Variants in ROR1 observed in about 807,000 individuals in gnomAD.
The protein encoded by ROR1 is ROR family WNT receptor 1, also known as inactive tyrosine-protein kinase transmembrane receptor ROR1.
A neutral mutation model predicts 78.8 loss-of-function variants in ROR1; 19 were observed. The observed-to-expected ratio is 0.24, with a 90% confidence interval of 0.17 to 0.35. The LOEUF (loss-of-function observed/expected upper bound fraction) is 0.35. Ranked by LOEUF, ROR1 falls within the 10% of genes least tolerant of loss-of-function variation. ROR1 has a pLI of 1.00. For missense variants in ROR1, 917 were observed against 1,177.8 expected, an observed-to-expected ratio of 0.78 and a Z score of 3.24; for synonymous variants, 386 against 433.6, an observed-to-expected ratio of 0.89 and a Z score of 1.36.
intron 8 of ROR1, among the ~76,000 whole-genome samples, chr1:64,170,690 TTC>T (rs1464447332): frequency 6.6e-6 from 1 of 152,202 alleles, no homozygotes; most frequent in Non-Finnish European, 1.5e-5. Context: ...CAAGCTTTTG[TTC>T]TGTTTTCCTT....
At chr1:63,843,837 C>T (rs1473366564) in intron 1 of ROR1, among the ~76,000 whole-genome samples, 1 of 152,184 alleles carries the variant, frequency 6.6e-6, no homozygotes, top group East Asian at 1.9e-4. Flanking sequence ...AACTTTTTAG[C>T]TGATTTCCCT....
intron 4 of ROR1, among the ~76,000 whole-genome samples, chr1:64,116,410 T>C (rs1648317738): frequency 6.6e-6 from 1 of 152,212 alleles, no homozygotes; most frequent in Non-Finnish European, 1.5e-5. Flanking sequence ...CTTGGACTTT[T>C]AAATTGCCAG....
chr1:64,053,065 A>G (rs1436452671), intron 4 of ROR1, among the ~76,000 whole-genome samples: 1 of 152,216 alleles, frequency 6.6e-6, no homozygotes, highest in Non-Finnish European at 1.5e-5. Flanking sequence ...GGGGAATATC[A>G]TAACATTGAG....
intron 1 of ROR1, among the ~76,000 whole-genome samples, chr1:64,009,067 T>A (rs1646454097): frequency 6.6e-6 from 1 of 152,164 alleles, no homozygotes; most frequent in Admixed American, 6.5e-5. Flanking sequence ...AAGCCAGTGT[T>A]TTGAAGTAAA....
chr1:64,175,017 T>A (rs12059004), intron 8 of ROR1, among the ~76,000 whole-genome samples: 10,585 of 149,426 alleles, frequency 0.071, 1,023 homozygotes, highest in African/African-American at 0.22. Flanking sequence ...TTTTTTTTTT[T>A]AAAAAAATAG....
At chr1:63,891,291 AT>A (rs1645393649) in intron 1 of ROR1, among the ~76,000 whole-genome samples, 1 of 152,190 alleles carries the variant, frequency 6.6e-6, no homozygotes, top group African/African-American at 2.4e-5. Flanking sequence ...GTTGTGGTAA[AT>A]TGGAAATACC....
chr1:64,022,565 C>A (rs1054792502), intron 2 of ROR1, among the ~76,000 whole-genome samples: 1 of 152,152 alleles, frequency 6.6e-6, no homozygotes, highest in Non-Finnish European at 1.5e-5. Flanking sequence ...GCCCCATTTC[C>A]CCGTAAGAGC....
intron 1 of ROR1, among the ~76,000 whole-genome samples, chr1:64,007,536 T>G (rs1424057933): frequency 6.6e-6 from 1 of 152,198 alleles, no homozygotes; most frequent in Non-Finnish European, 1.5e-5. Flanking sequence ...TAAAGAGTTT[T>G]AACAGCCCGT....
chr1:64,065,346 A>G (rs1488949895), intron 4 of ROR1, among the ~76,000 whole-genome samples: 1 of 152,232 alleles, frequency 6.6e-6, no homozygotes, highest in Non-Finnish European at 1.5e-5. Flanking sequence ...GGAGATGATC[A>G]GTTGATGAAC....
intron 1 of ROR1, among the ~76,000 whole-genome samples, chr1:63,971,514 A>G (rs1306702520): frequency 3.9e-5 from 6 of 152,212 alleles, no homozygotes; most frequent in Admixed American, 2.0e-4. Flanking sequence ...AGCTGTAGAT[A>G]TCTGGTAGAT....
chr1:63,961,721 G>C (rs1479195234), intron 1 of ROR1, among the ~76,000 whole-genome samples: 1 of 152,138 alleles, frequency 6.6e-6, no homozygotes, highest in Non-Finnish European at 1.5e-5. Flanking sequence ...TGAAATTACA[G>C]TTAATGGATA....
rs1011852872 is a variant in ROR1 at position 64,180,708 on chromosome 1, C to T, written c.*1853C>T. The T allele has an allele frequency of 1.3e-5, 2 of 152,100 alleles. No individual in the cohort carries two copies. Among genetic ancestry groups the T allele is most frequent in the Admixed American group, 6.5e-5 (1 of 15,278 alleles). The allele number at this position is 152,100 out of a possible 1,614,324, so 9.4% of individuals were successfully genotyped here. ...TGTTTAATGATGAAGCTTCAAACCA[C>T]AATTTTGTATATCATATGACAATCA... On this transcript the variant is annotated 3_prime_UTR_variant, in exon 9 of 9. Coordinates refer to ENST00000371079, the MANE Select transcript of ROR1 (RefSeq NM_005012.4).
At chr1:63,780,217 A>G (rs1470234417) in intron 1 of ROR1, among the ~76,000 whole-genome samples, 2 of 151,910 alleles carry the variant, frequency 1.3e-5, no homozygotes, top group Non-Finnish European at 2.9e-5. Flanking sequence ...AAAGATCAAC[A>G]GTCCAAACTT....
At chr1:64,089,996 T>C (rs970379319) in intron 4 of ROR1, among the ~76,000 whole-genome samples, 2 of 152,102 alleles carry the variant, frequency 1.3e-5, no homozygotes, top group Admixed American at 6.6e-5. Flanking sequence ...TGGTTCTCAT[T>C]CCCTCTTGCC....
intron 4 of ROR1, among the ~76,000 whole-genome samples, chr1:64,132,137 T>A (rs1164688744): frequency 6.6e-6 from 1 of 152,218 alleles, no homozygotes; most frequent in Non-Finnish European, 1.5e-5. Flanking sequence ...ATATTTCATA[T>A]AAATGGGATC....
chr1:64,140,040 C>T (rs962637424), intron 5 of ROR1, 69 bp from the exon 6 acceptor site: 1 of 1,404,696 alleles, frequency 7.1e-7, no homozygotes, highest in African/African-American at 1.4e-5. Flanking sequence ...TATCTGATAT[C>T]CGTTGACTAG....
At chr1:63,857,345 G>A (rs1645155571) in intron 1 of ROR1, among the ~76,000 whole-genome samples, 1 of 152,120 alleles carries the variant, frequency 6.6e-6, no homozygotes, top group South Asian at 2.1e-4. Flanking sequence ...GAAACAACAT[G>A]TGGAGGTAAA....
At chr1:63,947,084 A>G (rs1206801825) in intron 1 of ROR1, among the ~76,000 whole-genome samples, 1 of 152,142 alleles carries the variant, frequency 6.6e-6, no homozygotes, top group Non-Finnish European at 1.5e-5. Flanking sequence ...CAGGGGATTC[A>G]GGGAGTCCTC....
At chr1:63,921,616 A>G (rs1645655198) in intron 1 of ROR1, among the ~76,000 whole-genome samples, 1 of 146,118 alleles carries the variant, frequency 6.8e-6, no homozygotes, top group Non-Finnish European at 1.5e-5. Context: ...CCTTAAAGTT[A>G]AAGGAAGAAT....
Sources: gnomAD v4.1 joint callset for allele counts (sites outside exome capture counted in the v4.1 genomes callset) on GRCh38, gnomAD v4.1.1 for gene constraint, MANE v1.5 for transcripts, NCBI Gene and HGNC (gene_info 2026-07-23, HGNC 2026-07-21) for gene names.